Variants in LRP1B observed in about 807,000 individuals in gnomAD.
The protein encoded by LRP1B is low-density lipoprotein receptor-related protein 1B.
In LRP1B, 217 loss-of-function variants were observed where a neutral mutation model predicts 556.6. The observed-to-expected ratio is 0.39, with a 90% confidence interval of 0.35 to 0.44. LRP1B has a LOEUF of 0.44. Ranked by LOEUF, LRP1B falls within the 20% of genes least tolerant of loss-of-function variation. The pLI, the probability that LRP1B is intolerant of heterozygous loss-of-function variation, is 1.00. For missense variants in LRP1B, 5,053 were observed against 5,620.8 expected (o/e 0.90, Z 3.23); for synonymous variants, 2,047 against 1,865.8 (o/e 1.10, Z -2.50).
intron 3 of LRP1B, among the ~76,000 whole-genome samples, chr2:141,447,358 A>T (rs1209712415): frequency 6.6e-6 from 1 of 151,956 alleles, no homozygotes; most frequent in African/African-American, 2.4e-5. Context: ...GGGTTAGAAC[A>T]TGCTCCTTTA....
intron 29 of LRP1B, 122 bp from the exon 30 acceptor site, chr2:140,841,214 C>T (rs1434549769): frequency 1.8e-5 from 11 of 619,820 alleles, no homozygotes; most frequent in East Asian, 2.9e-5. Flanking sequence ...TAGCTAAAAT[C>T]GCACAAGATT....
At chr2:141,809,461 C>T (rs1287620148) in intron 2 of LRP1B, among the ~76,000 whole-genome samples, 1 of 151,674 alleles carries the variant, frequency 6.6e-6, no homozygotes, top group African/African-American at 2.4e-5. Flanking sequence ...GCCTGAAGAG[C>T]ACAGGTTGAT....
intron 1 of LRP1B, among the ~76,000 whole-genome samples, chr2:141,989,037 T>C (rs973466939): frequency 2.6e-5 from 4 of 152,108 alleles, no homozygotes; most frequent in African/African-American, 9.6e-5. Flanking sequence ...ATTTTCATTA[T>C]GATTTGTGAA....
intron 7 of LRP1B, among the ~76,000 whole-genome samples, chr2:141,184,063 G>C (rs1681127109): frequency 6.6e-6 from 1 of 151,954 alleles, no homozygotes. Context: ...CTCCACCCCT[G>C]ACCTCAGTTA....
intron 86 of LRP1B, among the ~76,000 whole-genome samples, chr2:140,256,557 C>T (rs1271009950): frequency 2.2e-5 from 3 of 138,016 alleles, no homozygotes; most frequent in African/African-American, 8.1e-5. Context: ...CAACCTCTGC[C>T]TCCCAGGTTC....
intron 35 of LRP1B, among the ~76,000 whole-genome samples, chr2:140,748,718 C>T (rs1445560234): frequency 8.3e-6 from 1 of 119,928 alleles, no homozygotes; most frequent in Non-Finnish European, 1.7e-5. Flanking sequence ...ATATATATAT[C>T]ATATATATGA....
intron 41 of LRP1B, chr2:140,683,270 G>A: frequency 5.7e-6 from 2 of 353,646 alleles, no homozygotes; most frequent in South Asian, 2.4e-5. Flanking sequence ...CACTGGGAAT[G>A]TTTTCTCAGA....
chr2:141,049,408 A>G (rs554011271), intron 10 of LRP1B, among the ~76,000 whole-genome samples, 186 bp from the exon 11 acceptor site: 1 of 152,252 alleles, frequency 6.6e-6, no homozygotes, highest in South Asian at 2.1e-4. Flanking sequence ...TAATTAAAAC[A>G]GAAATTACTT....
At chr2:142,081,311 T>C (rs891662125) in intron 1 of LRP1B, among the ~76,000 whole-genome samples, 3 of 152,096 alleles carry the variant, frequency 2.0e-5, no homozygotes, top group Admixed American at 1.3e-4. Flanking sequence ...AATAATAATT[T>C]AGAAATGAGG....
intron 7 of LRP1B, among the ~76,000 whole-genome samples, chr2:141,171,400 T>C (rs1006769534): frequency 2.6e-5 from 4 of 152,122 alleles, no homozygotes; most frequent in African/African-American, 7.2e-5. Flanking sequence ...CTCTGTAGTT[T>C]TCCCTGTCCC....
intron 20 of LRP1B, among the ~76,000 whole-genome samples, chr2:140,928,862 G>A (rs1694965101): frequency 6.6e-6 from 1 of 151,968 alleles, no homozygotes; most frequent in African/African-American, 2.4e-5. Context: ...CCTAAAAGCA[G>A]GAAAGAGCTT....
chr2:140,866,707 G>T (rs542127746), intron 27 of LRP1B, among the ~76,000 whole-genome samples: 3 of 152,008 alleles, frequency 2.0e-5, no homozygotes, highest in Non-Finnish European at 4.4e-5. Context: ...GAGAATGAAC[G>T]CAACACACTG....
intron 1 of LRP1B, among the ~76,000 whole-genome samples, chr2:142,043,445 G>C (rs1704131331): frequency 6.6e-6 from 1 of 151,558 alleles, no homozygotes; most frequent in Admixed American, 6.6e-5. Context: ...TACACAGAAA[G>C]CAGCAATAAA....
chr2:140,562,647 G>A (rs1680973216), intron 43 of LRP1B, among the ~76,000 whole-genome samples: 1 of 151,908 alleles, frequency 6.6e-6, no homozygotes. Flanking sequence ...TTGAGACACA[G>A]TCTTGCTCTG....
intron 11 of LRP1B, among the ~76,000 whole-genome samples, chr2:141,024,657 C>G (rs1342555936): frequency 1.3e-5 from 2 of 152,008 alleles, no homozygotes; most frequent in Non-Finnish European, 2.9e-5. Context: ...ATCATACTTT[C>G]AAGCTTACAA....
chr2:141,323,228 G>A (rs1377725895), intron 3 of LRP1B, among the ~76,000 whole-genome samples: 2 of 151,930 alleles, frequency 1.3e-5, no homozygotes, highest in Non-Finnish European at 2.9e-5. Flanking sequence ...CCTTAAAACT[G>A]ATAAATTTAC....
chr2:140,891,863 T>C (rs1009101623), intron 23 of LRP1B, among the ~76,000 whole-genome samples: 4 of 152,180 alleles, frequency 2.6e-5, no homozygotes, highest in Non-Finnish European at 4.4e-5. Flanking sequence ...CTCTTAGTAA[T>C]CACTTTCCCA....
chr2:140,959,476 A>G (rs947933026), intron 18 of LRP1B, among the ~76,000 whole-genome samples: 4 of 151,722 alleles, frequency 2.6e-5, no homozygotes, highest in African/African-American at 9.7e-5. Flanking sequence ...TAAAATAATT[A>G]CTACTAAAAT....
intron 31 of LRP1B, among the ~76,000 whole-genome samples, chr2:140,836,741 A>G (rs1033993605): frequency 6.6e-6 from 1 of 152,134 alleles, no homozygotes; most frequent in Non-Finnish European, 1.5e-5. Context: ...AGGAGCATCC[A>G]TATTTTGGAA....
Sources: allele counts gnomAD v4.1 joint callset (sites outside exome capture counted in the v4.1 genomes callset), GRCh38; gene constraint gnomAD v4.1.1; transcripts MANE v1.5; gene names NCBI Gene and HGNC (gene_info 2026-07-23, HGNC 2026-07-21).